OXR1: variants seen among roughly 807,000 people sequenced by gnomAD.
OXR1 encodes oxidation resistance 1.
In OXR1, 41 loss-of-function variants were observed where a neutral mutation model predicts 104.6. That is an observed-to-expected ratio of 0.39 (90% CI 0.31 to 0.51). OXR1 has a LOEUF of 0.51. Ranked by LOEUF, OXR1 falls within the 20% of genes least tolerant of loss-of-function variation. OXR1 has a pLI of 0.77. For synonymous variants in OXR1, 348 were observed against 348.4 expected, an observed-to-expected ratio of 1.00 and a Z score of 0.01; for missense variants, 955 against 1,031.9, an observed-to-expected ratio of 0.93 and a Z score of 1.02.
chr8:106,354,613 G>A (rs1815883634), intron 1 of OXR1, among the ~76,000 whole-genome samples: 1 of 152,204 alleles, frequency 6.6e-6, no homozygotes, highest in Admixed American at 6.5e-5. Flanking sequence ...GGTGCTTATG[G>A]TCAAAACCTT....
chr8:106,369,857 T>C (rs1307428387), intron 2 of OXR1, among the ~76,000 whole-genome samples: 1 of 152,228 alleles, frequency 6.6e-6, no homozygotes, highest in Middle Eastern at 3.2e-3. Context: ...TCCATTTTGC[T>C]TGGGATTGTC....
At chr8:106,462,661 T>G (rs538757383) in intron 2 of OXR1, among the ~76,000 whole-genome samples, 2 of 152,290 alleles carry the variant, frequency 1.3e-5, no homozygotes, top group Non-Finnish European at 2.9e-5. Context: ...AAAATTTTAC[T>G]TATTAATAAT....
chr8:106,458,103 T>C (rs1379823135), intron 2 of OXR1, among the ~76,000 whole-genome samples: 1 of 152,130 alleles, frequency 6.6e-6, no homozygotes, highest in Non-Finnish European at 1.5e-5. Flanking sequence ...AACTGATCAC[T>C]AAAGAGATTA....
chr8:106,694,464 T>G (rs182537123), intron 7 of OXR1, among the ~76,000 whole-genome samples: 3,083 of 127,400 alleles, frequency 0.024, 43 homozygotes, highest in East Asian at 0.04. Context: ...ATTTGATATA[T>G]AAATATATTT....
intron 11 of OXR1, among the ~76,000 whole-genome samples, chr8:106,718,506 T>A (rs1294939558): frequency 6.6e-6 from 1 of 152,228 alleles, no homozygotes; most frequent in Non-Finnish European, 1.5e-5. Flanking sequence ...CTGAATTTCC[T>A]CTTTTTGTAG....
chr8:106,619,361 C>T (rs1821505980), intron 3 of OXR1, among the ~76,000 whole-genome samples: 1 of 152,122 alleles, frequency 6.6e-6, no homozygotes, highest in South Asian at 2.1e-4. Context: ...ATGAAATTCT[C>T]ATTGCTGAAA....
intron 2 of OXR1, among the ~76,000 whole-genome samples, chr8:106,506,409 C>T (rs556009733): frequency 6.6e-6 from 1 of 152,168 alleles, no homozygotes; most frequent in East Asian, 1.9e-4. Context: ...GTCAGGAGAT[C>T]CAGACAATCC....
At position 106,750,981 on chromosome 8, in the gene OXR1, C is replaced by G; in HGVS notation, c.*40C>G. The G allele has an allele frequency of 6.6e-7, 1 of 1,508,300 alleles. No individual in the cohort carries two copies. Among genetic ancestry groups the G allele is most frequent in the Non-Finnish European group, 9.0e-7 (1 of 1,116,184 alleles). The allele number at this position is 1,508,300 out of a possible 1,614,324, so 93.4% of individuals were successfully genotyped here. On this transcript the variant is annotated 3_prime_UTR_variant, in exon 17 of 17. Transcript: ENST00000517566. ...GTCTTAGCAGGAGAATGGCCCAAAC[C>G]TGACATGGACAAGCATTGTTTGGAA...
chr8:106,662,866 T>TGAC (rs1375059462), intron 3 of OXR1, among the ~76,000 whole-genome samples: 1 of 151,618 alleles, frequency 6.6e-6, no homozygotes, highest in Non-Finnish European at 1.5e-5. Flanking sequence ...ATGATGATGA[T>TGAC]GATGATGATG....
At chr8:106,558,074 C>T (rs776113668) in intron 3 of OXR1, among the ~76,000 whole-genome samples, 2 of 152,288 alleles carry the variant, frequency 1.3e-5, no homozygotes, top group Non-Finnish European at 2.9e-5. Flanking sequence ...TGGAAGAAGT[C>T]ATTTTATCTC....
At chr8:106,745,700 C>A (rs1399303912) in intron 15 of OXR1, 89 bp from the exon 16 acceptor site, 34 of 605,738 alleles carry the variant, frequency 5.6e-5, no homozygotes, top group Non-Finnish European at 9.4e-5. Context: ...CCAGTCTTGG[C>A]TTTGTTAACT....
intron 3 of OXR1, among the ~76,000 whole-genome samples, chr8:106,661,546 A>C (rs146228403): frequency 2.2e-4 from 34 of 152,362 alleles, no homozygotes; most frequent in African/African-American, 8.2e-4. Flanking sequence ...ACTATAACTC[A>C]TAATGTATAA....
At chr8:106,631,215 C>A (rs1822658930) in intron 3 of OXR1, among the ~76,000 whole-genome samples, 1 of 152,104 alleles carries the variant, frequency 6.6e-6, no homozygotes, top group African/African-American at 2.4e-5. Flanking sequence ...ACCCTAGTTC[C>A]TTCCTTTATT....
intron 2 of OXR1, among the ~76,000 whole-genome samples, chr8:106,485,361 C>T (rs778611039): frequency 2.0e-5 from 3 of 152,028 alleles, no homozygotes; most frequent in African/African-American, 2.4e-5. Context: ...TCAAGTGTAA[C>T]AAATGTAACA....
intron 2 of OXR1, among the ~76,000 whole-genome samples, chr8:106,406,997 G>A (rs747887924): frequency 5.9e-5 from 9 of 152,078 alleles, no homozygotes; most frequent in Non-Finnish European, 1.3e-4. Flanking sequence ...TGCGAGAGTG[G>A]GAGCAGGGGG....
intron 11 of OXR1, among the ~76,000 whole-genome samples, chr8:106,720,908 A>T (rs1177809096): frequency 6.6e-6 from 1 of 152,222 alleles, no homozygotes; most frequent in Non-Finnish European, 1.5e-5. Flanking sequence ...CAGCTTTATA[A>T]TTTATTTGTT....
At chr8:106,422,282 C>A (rs566634457) in intron 2 of OXR1, among the ~76,000 whole-genome samples, 1 of 152,208 alleles carries the variant, frequency 6.6e-6, no homozygotes, top group African/African-American at 2.4e-5. Flanking sequence ...TACAAAGATA[C>A]AAAGTCTGTG....
intron 3 of OXR1, chr8:106,657,825 A>T (rs1217681427): frequency 1.6e-6 from 2 of 1,234,588 alleles, no homozygotes; most frequent in South Asian, 8.5e-5. Flanking sequence ...GTCCCCGGGC[A>T]GAGAGAGGGA....
intron 2 of OXR1, among the ~76,000 whole-genome samples, chr8:106,478,844 G>A (rs1374583896): frequency 6.6e-6 from 1 of 151,750 alleles, no homozygotes; most frequent in East Asian, 1.9e-4. Context: ...ATTAGAATAG[G>A]TTTCTAAGAA....
Sources: gnomAD v4.1 joint callset for allele counts (sites outside exome capture counted in the v4.1 genomes callset) on GRCh38, gnomAD v4.1.1 for gene constraint, MANE v1.5 for transcripts, NCBI Gene and HGNC (gene_info 2026-07-23, HGNC 2026-07-21) for gene names.